MDM1: variants seen among roughly 807,000 people sequenced by gnomAD.
The protein encoded by MDM1 is Mdm1 nuclear protein.
Under a neutral mutation model 89.1 loss-of-function variants are expected in MDM1, and 61 were observed. The observed-to-expected ratio is 0.68, with a 90% CI of 0.56 to 0.85. MDM1 has a LOEUF of 0.85. Among genes scored for constraint, MDM1 ranks in the 40% least tolerant of loss-of-function variants. The pLI, the probability that MDM1 is intolerant of heterozygous loss-of-function variation, is 0.00. For missense variants in MDM1, 820 were observed against 846.5 expected, an observed-to-expected ratio of 0.97 and a Z score of 0.39; for synonymous variants, 290 against 294.1, an observed-to-expected ratio of 0.99 and a Z score of 0.14.
At position 68,323,086 on chromosome 12, in the gene MDM1, G is replaced by A; in HGVS notation, c.788C>T (p.Ser263Phe). 6.2e-7 allele frequency: 1 copy of A among 1,606,246 alleles called. No homozygotes were observed. The highest frequency in any genetic ancestry group is 8.5e-7 in the Non-Finnish European group (1 of 1,177,664). The change falls in exon 5 of 15, where the codon TCT becomes TTT. Residue 263 changes from serine to phenylalanine, a missense_variant. Ser to Phe is a radical substitution (Grantham distance 155). Transcript: ENST00000682720. ...LRENRNLETV[S>F]PERKSNKIDD... The stretch of plus-strand genomic sequence containing the variant: ...GTTGATGAATACCTTCCTTTCAGGA[G>A]ACACTGTTTCAAGATTTCTGTTTTC...
At position 68,326,389 on chromosome 12, in the gene MDM1, T is replaced by C. The variant is rs55968046; in HGVS notation, c.498+268A>G. The C allele has an allele frequency of 2.5e-4, 359 of 1,440,804 alleles. 1 individual carries two copies. Among genetic ancestry groups the C allele is most frequent in the Non-Finnish European group, 3.2e-4 (349 of 1,102,328 alleles). The allele number at this position is 1,440,804 out of a possible 1,614,324, so 89.3% of individuals were successfully genotyped here. A position where few individuals can be genotyped will look rare whatever the true frequency, so the allele number is the denominator to read the frequency against. ...GATCTCTCCCTTAGGACTCAGGTGC[T>C]AATATATGATGAATAAAATCCAGAC... On this transcript the variant is annotated intron_variant, in intron 3 of 14. Transcript: ENST00000682720.
At chr12:68,316,295 T>C in intron 8 of MDM1, 42 bp from the exon 9 acceptor site, 1 of 1,552,100 alleles carries the variant, frequency 6.4e-7, no homozygotes, top group African/African-American at 1.4e-5. Flanking sequence ...TTGTAAATGC[T>C]TCTTTACAAA....
intron 4 of MDM1, 37 bp from the exon 5 acceptor site, chr12:68,323,277 TTAAA>T: frequency 6.8e-7 from 1 of 1,468,356 alleles, no homozygotes; most frequent in Admixed American, 2.4e-5. Flanking sequence ...GTTTTGTTGA[TTAAA>T]TATGCGGAAC....
At chr12:68,331,076 G>C in intron 2 of MDM1, 31 bp downstream of exon 2, 2 of 1,280,320 alleles carry the variant, frequency 1.6e-6, no homozygotes, top group South Asian at 2.4e-5. Flanking sequence ...CTTAGCCCAG[G>C]TTAGAATGGC....
rs118160293 is a variant in MDM1, at chr12:68,305,546, G to A, written c.1750-2674C>T. 6.4e-3 allele frequency among the ~76,000 whole-genome samples: 978 copies of A among 152,142 alleles called. 6 individuals carry two copies. Among genetic ancestry groups the A allele is most frequent in the Non-Finnish European group, 0.011 (779 of 67,974 alleles). ...CCCTCCAAAAGACCTGATAAATGAC[G>A]TTAGTAAAGTTTCAGGATACAAAAA... On this transcript the variant is annotated intron_variant, in intron 12 of 14. Coordinates refer to ENST00000682720, the MANE Select transcript of MDM1 (RefSeq NM_001354969.2).
At chr12:68,325,607 T>A in intron 3 of MDM1, 32 bp from the exon 4 acceptor site, 1 of 1,476,584 alleles carries the variant, frequency 6.8e-7, no homozygotes, top group Non-Finnish European at 9.0e-7. Flanking sequence ...CTCAAAGACA[T>A]TAAAAATTTC....
At position 68,321,145 on chromosome 12, in the gene MDM1, T is replaced by C. The variant is rs117560217; in HGVS notation, c.1005+202A>G. On this transcript the variant is annotated intron_variant, in intron 7 of 14. Coordinates refer to ENST00000682720, the MANE Select transcript of MDM1 (RefSeq NM_001354969.2). ...ATTAAACTTAAAAGACCTCAATAAA[T>C]ATTAATTTCTGAAGAGCCAGTGGCA... 2,303 of 418,706 alleles carry C rather than the reference T, an allele frequency of 5.5e-3. 33 individuals are homozygous for C. Among genetic ancestry groups the C allele is most frequent in the East Asian group, 0.034 (992 of 28,820 alleles). The allele number at this position is 418,706 out of a possible 1,614,324, so 25.9% of individuals were successfully genotyped here.
rs562963127 is a variant in MDM1, at chr12:68,312,310, G to A, written c.1749+1133C>T. On this transcript the variant is annotated intron_variant, in intron 12 of 14. Coordinates refer to ENST00000682720, the MANE Select transcript of MDM1 (RefSeq NM_001354969.2). ...TTCTCAAATTTAGAGTGTCCAGAAC[G>A]GAATTCTTGATCTTCTCCAACTCAG... 9.7e-4 allele frequency among the ~76,000 whole-genome samples: 147 copies of A among 152,248 alleles called. 1 individual carries two copies. Among genetic ancestry groups the A allele is most frequent in the African/African-American group, 3.4e-3 (142 of 41,546 alleles).
Position 68,314,932 on chromosome 12 carries a change from A to C in MDM1, c.1529+16T>G. The C allele has an allele frequency of 3.2e-6, 5 of 1,580,942 alleles. No individual in the cohort carries two copies. The highest frequency in any genetic ancestry group is 4.3e-6 in the Non-Finnish European group (5 of 1,151,164). ...TAAATAACGCTTCTCTATACTGAGTAATTTAAAACTCTCACCCTTCTTTCA... is the reference window on the plus strand; with the variant it reads ...TAAATAACGCTTCTCTATACTGAGTCATTTAAAACTCTCACCCTTCTTTCA... On this transcript the variant is annotated intron_variant, in intron 10 of 14. Transcript: ENST00000682720.
intron 12 of MDM1, among the ~76,000 whole-genome samples, chr12:68,308,923 C>G (rs1244542272): frequency 6.6e-6 from 1 of 152,174 alleles, no homozygotes; most frequent in Non-Finnish European, 1.5e-5. Flanking sequence ...CATTGTTCCC[C>G]TTACATAATT....
rs1205956560 is a variant in MDM1 at position 68,302,784 on chromosome 12, T to C, written c.1838A>G (p.Asp613Gly). The part of the protein sequence containing the change: ...DPLPLREDSE[D>G]NIHKFAEATL... ...TGCCTCAGCAAATTTGTGGATATTG[T>C]CTTCAGAATCTTCCCGCAAAGGCAG... Residue 613 changes from aspartate to glycine, a missense_variant, in exon 13 of 15, where the codon GAC (aspartate) becomes GGC (glycine). Coordinates refer to ENST00000682720, the MANE Select transcript of MDM1 (RefSeq NM_001354969.2). 1.2e-6 allele frequency: 2 copies of C among 1,613,322 alleles called. No homozygotes were observed. The highest frequency in any genetic ancestry group is 1.7e-6 in the Non-Finnish European group (2 of 1,179,962).
chr12:68,302,079 A>T lies in MDM1; in HGVS notation c.2002+541T>A, dbSNP rs138645787. Among the ~76,000 whole-genome samples, 930 of 152,334 alleles carry T rather than the reference A, an allele frequency of 6.1e-3. 5 individuals carry two copies. Among genetic ancestry groups the T allele is most frequent in the African/African-American group, 0.021 (866 of 41,570 alleles). On this transcript the variant is annotated intron_variant, in intron 13 of 14. Coordinates refer to ENST00000682720, the MANE Select transcript of MDM1 (RefSeq NM_001354969.2). Reference sequence around the variant, plus strand: ...GGAGTACCAGCAAAATGAATAAAAAAAATAATACTCTCTCAGAGGCACATC... The same window carrying T: ...GGAGTACCAGCAAAATGAATAAAAATAATAATACTCTCTCAGAGGCACATC...
chr12:68,327,557 A>G (rs1237596390), intron 2 of MDM1: 20 of 1,494,046 alleles, frequency 1.3e-5, no homozygotes. Context: ...GCTAAGATAC[A>G]ATTTCTCTAT....
intron 10 of MDM1, among the ~76,000 whole-genome samples, 164 bp from the exon 11 acceptor site, chr12:68,313,917 G>A (rs1032698474): frequency 4.6e-5 from 7 of 152,098 alleles, no homozygotes; most frequent in African/African-American, 7.2e-5. Flanking sequence ...CGAGGCGGGC[G>A]GATCAGGAGA....
Position 68,302,740 on chromosome 12 carries a change from T to G in MDM1, c.1882A>C (p.Ile628Leu). 6.2e-7 allele frequency: 1 copy of G among 1,614,110 alleles called. No homozygotes were observed. The highest frequency in any genetic ancestry group is 1.1e-5 in the South Asian group (1 of 91,076). ...GGGGGATTTGTTGGGTATTTTGGAA[T>G]TTTTGAAACTGGAAGAGTTGCCTCA... ...FAEATLPVSK[I>L]PKYPTNPPGQ... Residue 628 changes from isoleucine to leucine, a missense_variant, in exon 13 of 15, where the codon ATT becomes CTT. Transcript: ENST00000682720.
At chr12:68,318,517 A>C (rs1299721811) in intron 7 of MDM1, among the ~76,000 whole-genome samples, 1 of 152,238 alleles carries the variant, frequency 6.6e-6, no homozygotes, top group Non-Finnish European at 1.5e-5. Context: ...AATCTTTATT[A>C]ATCTCAGTGC....
intron 2 of MDM1, among the ~76,000 whole-genome samples, chr12:68,329,094 G>C (rs960023269): frequency 2.6e-5 from 4 of 152,186 alleles, no homozygotes; most frequent in Admixed American, 6.5e-5. Flanking sequence ...GCGCTCAGCA[G>C]GGTGGGATAT....
intron 12 of MDM1, among the ~76,000 whole-genome samples, chr12:68,309,080 A>G (rs1035026128): frequency 1.3e-5 from 2 of 152,204 alleles, no homozygotes; most frequent in African/African-American, 2.4e-5. Context: ...TGCAAAACAT[A>G]TATCCATCAC....
chr12:68,325,200 T>C, intron 4 of MDM1: 1 of 1,113,852 alleles, frequency 9.0e-7, no homozygotes, highest in Non-Finnish European at 1.1e-6. Context: ...TTACCCTGTC[T>C]CATATTTAGT....
Sources: allele counts gnomAD v4.1 joint callset (sites outside exome capture counted in the v4.1 genomes callset), GRCh38; gene constraint gnomAD v4.1.1; transcripts MANE v1.5; gene names NCBI Gene and HGNC (gene_info 2026-07-23, HGNC 2026-07-21).